The following LRP1B variants were observed in gnomAD, a reference collection of about 807,000 sequenced individuals.
The protein encoded by LRP1B is low-density lipoprotein receptor-related protein 1B.
In LRP1B, 217 loss-of-function variants were observed where a neutral mutation model predicts 556.6. The observed-to-expected ratio is 0.39, with a 90% CI of 0.35 to 0.44. LRP1B has a LOEUF of 0.44. LRP1B is among the 20% of genes least tolerant of loss of function. The probability of loss-of-function intolerance (pLI) is 1.00; values close to 1 mark genes in which losing one functional copy is unlikely to be tolerated. For synonymous variants in LRP1B, 2,047 were observed against 1,865.8 expected (o/e 1.10, Z -2.50); for missense variants, 5,053 against 5,620.8 (o/e 0.90, Z 3.23).
intron 7 of LRP1B, among the ~76,000 whole-genome samples, chr2:141,105,880 T>C: frequency 6.6e-6 from 1 of 152,014 alleles, no homozygotes; most frequent in Non-Finnish European, 1.5e-5. Flanking sequence ...CTACAACAGC[T>C]AGCAAGGAGA....
intron 2 of LRP1B, among the ~76,000 whole-genome samples, chr2:141,799,808 C>CTGTGTGTGTGTGTG (rs145191262): frequency 0.25 from 37,228 of 147,492 alleles, 4,820 homozygotes; most frequent in East Asian, 0.42. Flanking sequence ...AAGAGTGTGT[C>CTGTGTGTGTGTGTG]TGTGTGTGTG....
intron 35 of LRP1B, among the ~76,000 whole-genome samples, chr2:140,719,562 G>A (rs745344572): frequency 7.2e-5 from 11 of 151,878 alleles, no homozygotes; most frequent in Non-Finnish European, 1.5e-4. Flanking sequence ...AACTGAAATT[G>A]CATTTTTGCA....
intron 3 of LRP1B, among the ~76,000 whole-genome samples, chr2:141,384,174 T>C (rs571920958): frequency 6.6e-6 from 1 of 152,044 alleles, no homozygotes; most frequent in East Asian, 1.9e-4. Flanking sequence ...GCTAAGGAGC[T>C]GACATGGAAA....
At position 140,322,398 on chromosome 2, in the gene LRP1B, C is replaced by T. The variant is rs79148965; in HGVS notation, c.12515-310G>A. On this transcript the variant is annotated intron_variant, in intron 81 of 90. Coordinates refer to ENST00000389484, the MANE Select transcript of LRP1B (RefSeq NM_018557.3). ...TTTGGCATAAGAGTTGGTCCTAGAA[C>T]CTGAAGTACCATTGGGACTGTGTTG... Among the ~76,000 whole-genome samples, 73 of 151,990 alleles carry T rather than the reference C, an allele frequency of 4.8e-4. 1 individual carries two copies. Among genetic ancestry groups the T allele is most frequent in the Middle Eastern group, 3.4e-3 (1 of 294 alleles).
chr2:141,675,535 G>A (rs1296522978), intron 2 of LRP1B, among the ~76,000 whole-genome samples: 7 of 140,646 alleles, frequency 5.0e-5, no homozygotes, highest in Non-Finnish European at 7.8e-5. Flanking sequence ...TTAGTATTTT[G>A]CATTTAAAAT....
At chr2:141,421,523 T>C (rs10803484) in intron 3 of LRP1B, among the ~76,000 whole-genome samples, 113,986 of 146,614 alleles carry the variant, frequency 0.78, 44,589 homozygotes, top group East Asian at 0.92. Flanking sequence ...AGCGAGACTC[T>C]GTCTCAAAAA....
intron 1 of LRP1B, among the ~76,000 whole-genome samples, chr2:141,949,848 C>T (rs930893318): frequency 6.6e-6 from 1 of 151,906 alleles, no homozygotes; most frequent in Non-Finnish European, 1.5e-5. Context: ...TAAAGATATG[C>T]ATTTAACTAC....
intron 2 of LRP1B, among the ~76,000 whole-genome samples, chr2:141,562,248 G>A (rs949421647): frequency 2.0e-5 from 3 of 152,092 alleles, no homozygotes; most frequent in Non-Finnish European, 4.4e-5. Flanking sequence ...CACGAACTAT[G>A]TCAGAGGCTA....
chr2:140,577,517 A>C (rs886898490), intron 43 of LRP1B, among the ~76,000 whole-genome samples: 2 of 151,852 alleles, frequency 1.3e-5, no homozygotes, highest in Non-Finnish European at 2.9e-5. Flanking sequence ...CCTGGGCTCA[A>C]GCGATCTTCC....
chr2:140,744,070 G>A (rs767706462), intron 35 of LRP1B, among the ~76,000 whole-genome samples: 2 of 148,710 alleles, frequency 1.3e-5, no homozygotes, highest in Non-Finnish European at 3.0e-5. Context: ...GTTAATCAAA[G>A]GGTATAAACC....
intron 6 of LRP1B, among the ~76,000 whole-genome samples, chr2:141,216,034 A>C (rs1350281782): frequency 2.6e-5 from 4 of 152,190 alleles, no homozygotes; most frequent in African/African-American, 9.7e-5. Context: ...AAATGTCTCA[A>C]AGGCACTTCA....
chr2:141,816,812 G>A lies in LRP1B; in HGVS notation c.83-6411C>T, dbSNP rs1388308001. Among the ~76,000 whole-genome samples, 4 of 151,452 alleles carry A rather than the reference G, an allele frequency of 2.6e-5. No homozygotes were observed. In the East Asian group the frequency reaches 7.8e-4, roughly 29 times the overall value. On this transcript the variant is annotated intron_variant, in intron 1 of 90. Coordinates refer to ENST00000389484, the MANE Select transcript of LRP1B (RefSeq NM_018557.3). ...TGACATTTTTTTTTTTCAGGAATAA[G>A]ATAGACTTAATGGGATTTACCTAAC...
chr2:141,886,009 CAGG>C lies in LRP1B; in HGVS notation c.83-75611_83-75609del, dbSNP rs1699099746. Among the ~76,000 whole-genome samples, 5 of 152,224 alleles carry C rather than the reference CAGG, an allele frequency of 3.3e-5. 1 individual carries two copies. In the South Asian group the frequency reaches 1.0e-3, roughly 32 times the overall value. On this transcript the variant is annotated intron_variant, in intron 1 of 90. Transcript: ENST00000389484. The stretch of plus-strand genomic sequence containing the variant: ...GCAAATAAGGGAAAAGTTGATCTAA[CAGG>C]AGAAGAGAAAGAGACTGAAAGCTTT...
intron 7 of LRP1B, among the ~76,000 whole-genome samples, chr2:141,156,754 A>G (rs1448900525): frequency 6.6e-6 from 1 of 152,160 alleles, no homozygotes; most frequent in Non-Finnish European, 1.5e-5. Flanking sequence ...TAGGAAACCC[A>G]ATGGCATATG....
At chr2:140,355,131 A>C (rs952779388) in intron 75 of LRP1B, among the ~76,000 whole-genome samples, 1 of 151,938 alleles carries the variant, frequency 6.6e-6, no homozygotes, top group Non-Finnish European at 1.5e-5. Context: ...TGTAGTGTGC[A>C]GGTTATATTT....
chr2:141,216,976 A>T (rs1454038047), intron 6 of LRP1B, among the ~76,000 whole-genome samples: 2 of 152,078 alleles, frequency 1.3e-5, no homozygotes, highest in African/African-American at 4.8e-5. Context: ...CTTTTAATTG[A>T]TCTGATGCTG....
intron 31 of LRP1B, among the ~76,000 whole-genome samples, chr2:140,832,187 A>G (rs1691741768): frequency 6.6e-6 from 1 of 152,086 alleles, no homozygotes; most frequent in African/African-American, 2.4e-5. Context: ...TATTCACAGG[A>G]TGCAAAACCC....
At chr2:142,106,947 T>G (rs1023445313) in intron 1 of LRP1B, among the ~76,000 whole-genome samples, 1 of 152,092 alleles carries the variant, frequency 6.6e-6, no homozygotes, top group African/African-American at 2.4e-5. Flanking sequence ...GCATATGTTA[T>G]AAAAATAATT....
intron 53 of LRP1B, 58 bp downstream of exon 53, chr2:140,506,738 T>C: frequency 6.4e-7 from 1 of 1,555,592 alleles, no homozygotes. Context: ...ATTTACATAC[T>C]AGTTTTGAAA....
Sources: gnomAD v4.1 joint callset for allele counts (sites outside exome capture counted in the v4.1 genomes callset) on GRCh38, gnomAD v4.1.1 for gene constraint, MANE v1.5 for transcripts, NCBI Gene and HGNC (gene_info 2026-07-23, HGNC 2026-07-21) for gene names.